Variants in EHF observed in about 807,000 individuals in gnomAD.
EHF encodes the protein ESE3 transcription factor.
A neutral mutation model predicts 45.1 loss-of-function variants in EHF; 14 were observed. The observed-to-expected ratio is 0.31, with a 90% CI of 0.21 to 0.49. The LOEUF is 0.49. Ranked by LOEUF, EHF falls within the 20% of genes least tolerant of loss-of-function variation. The probability of loss-of-function intolerance (pLI) is 0.99; values close to 1 mark genes in which losing one functional copy is unlikely to be tolerated. For synonymous variants in EHF, 136 were observed against 131.8 expected (o/e 1.03, Z -0.22); for missense variants, 282 against 371.4 (o/e 0.76, Z 1.98).
chr11:34,656,991 A>G, intron 7 of EHF, 21 bp downstream of exon 7: 1 of 1,612,786 alleles, frequency 6.2e-7, no homozygotes, highest in South Asian at 1.1e-5. Context: ...TGGCTTTCAG[A>G]TGGCCTTTGG....
chr11:34,626,859 A>G (rs998503140), intron 1 of EHF, among the ~76,000 whole-genome samples: 12 of 152,242 alleles, frequency 7.9e-5, no homozygotes, highest in Non-Finnish European at 5.9e-5. Context: ...GGGTAGTTGA[A>G]TGACTTTGAG....
intron 2 of EHF, among the ~76,000 whole-genome samples, chr11:34,643,342 G>A (rs1427848742): frequency 6.6e-6 from 1 of 152,120 alleles, no homozygotes; most frequent in Non-Finnish European, 1.5e-5. Context: ...GAATCAAGTT[G>A]AATCTCTGAA....
chr11:34,657,395 T>C (rs1485756187), intron 7 of EHF, among the ~76,000 whole-genome samples: 1 of 152,220 alleles, frequency 6.6e-6, no homozygotes, highest in East Asian at 1.9e-4. Context: ...TGACTGTTTT[T>C]TCTTAAGATT....
intron 1 of EHF, chr11:34,622,474 A>C (rs999087293): frequency 1.2e-5 from 13 of 1,119,258 alleles, no homozygotes; most frequent in Non-Finnish European, 1.5e-5. Context: ...ATTCTGTGTG[A>C]CTGTGTGTTA....
intron 2 of EHF, among the ~76,000 whole-genome samples, chr11:34,646,056 GTGTGTGTGTGTA>G (rs1854492675): frequency 6.6e-6 from 1 of 151,374 alleles, no homozygotes; most frequent in African/African-American, 2.4e-5. Context: ...GTGTGTGTGT[GTGTGTGTGTGTA>G]TGTATAAGAG....
rs1029399859 is a variant in EHF, at chr11:34,661,573, T to C, written c.*2642T>C. 1.3e-5 allele frequency among the ~76,000 whole-genome samples: 2 copies of C among 152,282 alleles called. No individual in the cohort carries two copies. Among genetic ancestry groups the C allele is most frequent in the Middle Eastern group, 3.4e-3 (1 of 294 alleles). ...TGATTAAGGCTTGAGTATTAAGTTC[T>C]CAGCATATCTCTCTATTGTCTTGAC... On this transcript the variant is annotated 3_prime_UTR_variant, in exon 9 of 9. Transcript: ENST00000257831.
At position 34,662,646 on chromosome 11, in the gene EHF, G is replaced by C. The variant is rs1287002248; in HGVS notation, c.*3715G>C. ...AGTTAGTAATGCATGTTAGATTTTA[G>C]TTTTGCAAGCATGTTGTTTTTCAAA... On this transcript the variant is annotated 3_prime_UTR_variant, in exon 9 of 9. Transcript: ENST00000257831. Among the ~76,000 whole-genome samples, 1 of 152,054 alleles carries C rather than the reference G, an allele frequency of 6.6e-6. No individual in the cohort carries two copies. Among genetic ancestry groups the C allele is most frequent in the Non-Finnish European group, 1.5e-5 (1 of 67,982 alleles).
chr11:34,661,286 TTC>T lies in EHF; in HGVS notation c.*2360_*2361del, dbSNP rs1326021887. Among the ~76,000 whole-genome samples the T allele has an allele frequency of 6.6e-6, 1 of 152,144 alleles. No individual in the cohort carries two copies. The highest frequency in any genetic ancestry group is 2.4e-5 in the African/African-American group (1 of 41,448). On this transcript the variant is annotated 3_prime_UTR_variant, in exon 9 of 9. Transcript: ENST00000257831. The stretch of plus-strand genomic sequence containing the variant: ...TGATTTTATTAGGGGCATCTGCCAA[TTC>T]TCTCACTGTGGTTCCTTCTCTGACT...
chr11:34,646,449 G>GT lies in EHF; in HGVS notation c.114dup (p.Gly39TrpfsTer6), dbSNP rs1356113739. The GT allele has an allele frequency of 1.2e-6, 2 of 1,614,064 alleles. No homozygotes were observed. Among genetic ancestry groups the GT allele is most frequent in the Non-Finnish European group, 1.7e-6 (2 of 1,179,980 alleles). On this transcript the variant is annotated frameshift_variant, in exon 3 of 9. Coordinates refer to ENST00000257831, the MANE Select transcript of EHF (RefSeq NM_012153.6). LOFTEE classifies it high-confidence loss of function. ...CTTCCTGTTTTGCAGTTTCCAGTGG[G>GT]TTTTTTGGAGGCCAGTGGCATGAAA...
At chr11:34,649,188 C>T (rs1854892206) in intron 4 of EHF, 107 bp downstream of exon 4, 1 of 1,157,780 alleles carries the variant, frequency 8.6e-7, no homozygotes, top group East Asian at 2.4e-5. Context: ...GCAGGAAACA[C>T]AGGGAGGCCT....
intron 2 of EHF, among the ~76,000 whole-genome samples, chr11:34,646,204 G>A (rs928416961): frequency 2.0e-5 from 3 of 152,092 alleles, no homozygotes; most frequent in African/African-American, 4.8e-5. Context: ...CTTTGGGGGA[G>A]GTGGGGGATG....
At chr11:34,627,542 G>GA (rs951394023) in intron 1 of EHF, among the ~76,000 whole-genome samples, 1 of 151,792 alleles carries the variant, frequency 6.6e-6, no homozygotes, top group Non-Finnish European at 1.5e-5. Flanking sequence ...GAGGCTTTGG[G>GA]AAAAAAAATT....
chr11:34,648,622 CA>C (rs1364000882), intron 3 of EHF, among the ~76,000 whole-genome samples: 5 of 152,104 alleles, frequency 3.3e-5, no homozygotes, highest in Non-Finnish European at 5.9e-5. Context: ...TATGGGAAAG[CA>C]CCTTAGAAGT....
intron 7 of EHF, 40 bp downstream of exon 7, chr11:34,657,010 A>ACC: frequency 6.2e-7 from 1 of 1,610,396 alleles, no homozygotes; most frequent in Middle Eastern, 1.7e-4. Context: ...GGTCCTTCCC[A>ACC]TCACATCGGG....
At chr11:34,625,619 A>C (rs1852313214) in intron 1 of EHF, among the ~76,000 whole-genome samples, 1 of 152,234 alleles carries the variant, frequency 6.6e-6, no homozygotes, top group Non-Finnish European at 1.5e-5. Context: ...AGAAACCAGA[A>C]CTTGCAACAG....
chr11:34,646,345 T>G, intron 2 of EHF, 94 bp from the exon 3 acceptor site: 99 of 1,560,370 alleles, frequency 6.3e-5, no homozygotes, highest in Non-Finnish European at 7.7e-5. Context: ...GTTGTGTCTC[T>G]GAGATATCTG....
intron 1 of EHF, among the ~76,000 whole-genome samples, chr11:34,637,418 G>A (rs1333726964): frequency 6.6e-6 from 1 of 152,208 alleles, no homozygotes; most frequent in East Asian, 1.9e-4. Flanking sequence ...GGGAGTTTGT[G>A]TGTACCTGAA....
chr11:34,642,689 AGCC>A lies in EHF; in HGVS notation c.63_65del (p.Pro22del). ...AACCCCGGCAACAACCTCCTTCACC[AGCC>A]GCCAGCCTGGACAGACAGCTACTCC... On this transcript the variant is annotated inframe_deletion, in exon 2 of 9. Transcript: ENST00000257831. 6.2e-7 allele frequency: 1 copy of A among 1,614,088 alleles called. No individual in the cohort carries two copies. The highest frequency in any genetic ancestry group is 8.5e-7 in the Non-Finnish European group (1 of 1,179,966).
rs1856042924 is a variant in EHF, at chr11:34,660,945, A to G, written c.*2014A>G. The G allele has an allele frequency of 6.6e-6, 1 of 152,194 alleles. No homozygotes were observed. Among genetic ancestry groups the G allele is most frequent in the East Asian group, 1.9e-4 (1 of 5,196 alleles). The allele number at this position is 152,194 out of a possible 1,614,324, so 9.4% of individuals were successfully genotyped here. A position where few individuals can be genotyped will look rare whatever the true frequency, so the allele number is the denominator to read the frequency against. Reference sequence around the variant, plus strand: ...GGTAGTGATCTTGGAGCACACATGAATAACTTTCTGAAGGTGCAACCAAAT... The same window carrying G: ...GGTAGTGATCTTGGAGCACACATGAGTAACTTTCTGAAGGTGCAACCAAAT... On this transcript the variant is annotated 3_prime_UTR_variant, in exon 9 of 9. Transcript: ENST00000257831.
Sources: allele counts gnomAD v4.1 joint callset (sites outside exome capture counted in the v4.1 genomes callset), GRCh38; gene constraint gnomAD v4.1.1; transcripts MANE v1.5; gene names NCBI Gene and HGNC (gene_info 2026-07-23, HGNC 2026-07-21).